LRRC4C: variants seen among roughly 807,000 people sequenced by gnomAD.
LRRC4C encodes leucine rich repeat containing 4C.
LRRC4C carries 5 observed loss-of-function variants against 33.6 expected under a neutral mutation model. The observed-to-expected ratio is 0.15, with a 90% CI of 0.08 to 0.31. The LOEUF is 0.31. LRRC4C is among the 10% of genes least tolerant of loss of function. The probability of loss-of-function intolerance (pLI) is 1.00; values close to 1 mark genes in which losing one functional copy is unlikely to be tolerated. For missense variants in LRRC4C, 560 were observed against 796.7 expected, an observed-to-expected ratio of 0.70 and a Z score of 3.58; for synonymous variants, 329 against 302.0, an observed-to-expected ratio of 1.09 and a Z score of -0.93.
At chr11:40,139,125 G>A (rs990677258) in intron 6 of LRRC4C, among the ~76,000 whole-genome samples, 2 of 152,192 alleles carry the variant, frequency 1.3e-5, no homozygotes, top group Non-Finnish European at 2.9e-5. Context: ...AAGAAGAGGA[G>A]GCGGCGAGAA....
chr11:40,379,666 G>A (rs1677735571), intron 3 of LRRC4C, among the ~76,000 whole-genome samples: 2 of 152,146 alleles, frequency 1.3e-5, no homozygotes, highest in South Asian at 4.1e-4. Flanking sequence ...GGGAATCACT[G>A]CTATATCTGA....
chr11:40,194,931 AAAAC>A (rs1421341307), intron 5 of LRRC4C, among the ~76,000 whole-genome samples: 3 of 151,264 alleles, frequency 2.0e-5, no homozygotes, highest in South Asian at 2.1e-4. Context: ...TACTTAAAAA[AAAAC>A]AAACAATTAG....
chr11:40,904,415 A>G (rs1321925010), intron 2 of LRRC4C, among the ~76,000 whole-genome samples: 3 of 152,098 alleles, frequency 2.0e-5, no homozygotes, highest in Non-Finnish European at 1.5e-5. Flanking sequence ...TTTTTTTTCA[A>G]ATTTCAAGTG....
chr11:40,807,579 G>A (rs866445837), intron 2 of LRRC4C, among the ~76,000 whole-genome samples: 14 of 152,148 alleles, frequency 9.2e-5, no homozygotes, highest in African/African-American at 3.4e-4. Context: ...TCCTTTCTGT[G>A]ACACAATTAA....
At chr11:40,709,876 T>C (rs1390325914) in intron 2 of LRRC4C, among the ~76,000 whole-genome samples, 1 of 152,168 alleles carries the variant, frequency 6.6e-6, no homozygotes, top group Non-Finnish European at 1.5e-5. Context: ...TCTTGGAGGC[T>C]TTGTTCGTTT....
chr11:40,188,717 C>A (rs1296860122), intron 5 of LRRC4C, among the ~76,000 whole-genome samples: 1 of 152,104 alleles, frequency 6.6e-6, no homozygotes, highest in East Asian at 1.9e-4. Flanking sequence ...TACAAACACA[C>A]ACACACATGC....
At chr11:40,796,415 A>G (rs888718093) in intron 2 of LRRC4C, among the ~76,000 whole-genome samples, 3 of 152,166 alleles carry the variant, frequency 2.0e-5, no homozygotes, top group Non-Finnish European at 4.4e-5. Flanking sequence ...CCTAGGACAA[A>G]AAATAAAGTG....
At chr11:40,412,671 T>C (rs1179260991) in intron 3 of LRRC4C, among the ~76,000 whole-genome samples, 1 of 152,078 alleles carries the variant, frequency 6.6e-6, no homozygotes, top group Non-Finnish European at 1.5e-5. Flanking sequence ...AAATTATTTT[T>C]TTCTGAAGCA....
intron 2 of LRRC4C, among the ~76,000 whole-genome samples, chr11:40,851,175 T>TG: frequency 6.7e-6 from 1 of 150,328 alleles, no homozygotes; most frequent in African/African-American, 2.5e-5. Flanking sequence ...CACTGGGGTA[T>TG]GGGGGAAAAA....
chr11:41,041,748 C>A (rs116502463), intron 1 of LRRC4C, among the ~76,000 whole-genome samples: 2,465 of 152,206 alleles, frequency 0.016, 68 homozygotes, highest in African/African-American at 0.057. Flanking sequence ...TGTACAAACA[C>A]ACTAACAGAC....
At chr11:41,318,286 T>C (rs1056132599) in intron 1 of LRRC4C, among the ~76,000 whole-genome samples, 3 of 152,222 alleles carry the variant, frequency 2.0e-5, no homozygotes. Context: ...TTCTGGTTTC[T>C]GGTTTTGGAT....
intron 2 of LRRC4C, among the ~76,000 whole-genome samples, chr11:40,857,803 T>G (rs1432394113): frequency 1.3e-5 from 2 of 151,946 alleles, no homozygotes; most frequent in Non-Finnish European, 2.9e-5. Context: ...TAGTCCCAGT[T>G]ACTTGGGAGG....
intron 1 of LRRC4C, among the ~76,000 whole-genome samples, chr11:41,111,533 G>A (rs1430372792): frequency 6.6e-6 from 1 of 151,802 alleles, no homozygotes; most frequent in African/African-American, 2.4e-5. Context: ...TCAGTATTTG[G>A]CAAAGACGAG....
At chr11:40,729,904 C>T (rs927596138) in intron 2 of LRRC4C, among the ~76,000 whole-genome samples, 1 of 152,128 alleles carries the variant, frequency 6.6e-6, no homozygotes, top group Non-Finnish European at 1.5e-5. Context: ...TTCAAATATA[C>T]ACCATGGAAT....
chr11:40,495,925 G>A (rs1422289813), intron 3 of LRRC4C, among the ~76,000 whole-genome samples: 2 of 141,622 alleles, frequency 1.4e-5, no homozygotes, highest in Non-Finnish European at 3.0e-5. Context: ...CGCCCCCGGG[G>A]TTCAAGCAAT....
intron 1 of LRRC4C, among the ~76,000 whole-genome samples, chr11:41,184,821 A>G (rs1478775154): frequency 6.6e-6 from 1 of 151,984 alleles, no homozygotes; most frequent in Non-Finnish European, 1.5e-5. Context: ...TTTACAAAAA[A>G]AAAAAAAAAA....
chr11:40,138,794 T>C (rs948945261), intron 6 of LRRC4C, among the ~76,000 whole-genome samples: 15 of 152,244 alleles, frequency 9.9e-5, no homozygotes, highest in Non-Finnish European at 1.6e-4. Flanking sequence ...ACAGTGTTTT[T>C]ATTCTCTGGG....
At chr11:40,368,140 C>A (rs1187084912) in intron 3 of LRRC4C, among the ~76,000 whole-genome samples, 1 of 152,006 alleles carries the variant, frequency 6.6e-6, no homozygotes, top group Non-Finnish European at 1.5e-5. Flanking sequence ...ATATATATAT[C>A]TTTAAAATCA....
At chr11:41,134,512 C>A (rs1590708116) in intron 1 of LRRC4C, among the ~76,000 whole-genome samples, 2 of 152,168 alleles carry the variant, frequency 1.3e-5, no homozygotes, top group East Asian at 3.9e-4. Context: ...AGGTTAATTT[C>A]TCTTAAAAGG....
Sources: gnomAD v4.1 joint callset for allele counts (sites outside exome capture counted in the v4.1 genomes callset) on GRCh38, gnomAD v4.1.1 for gene constraint, MANE v1.5 for transcripts, NCBI Gene and HGNC (gene_info 2026-07-23, HGNC 2026-07-21) for gene names.